The following ARNT2 variants were observed in gnomAD, a reference collection of about 807,000 sequenced individuals.
ARNT2 encodes ARNT protein 2.
In ARNT2, 36 loss-of-function variants were observed where a neutral mutation model predicts 91.7. The ratio of observed to expected loss-of-function variants is 0.39; its 90% CI spans 0.30 to 0.52. ARNT2 has a LOEUF of 0.52. Ranked by LOEUF, ARNT2 falls within the 20% of genes least tolerant of loss-of-function variation. The probability of loss-of-function intolerance (pLI) is 0.72; values close to 1 mark genes in which losing one functional copy is unlikely to be tolerated. For synonymous variants in ARNT2, 365 were observed against 347.1 expected (o/e 1.05, Z -0.57); for missense variants, 775 against 939.3 (o/e 0.83, Z 2.29).
intron 5 of ARNT2, among the ~76,000 whole-genome samples, chr15:80,496,295 C>T (rs1897125629): frequency 6.6e-6 from 1 of 152,192 alleles, no homozygotes; most frequent in Non-Finnish European, 1.5e-5. Context: ...ATGCCCAGCA[C>T]CCTTCTCCCT....
intron 1 of ARNT2, among the ~76,000 whole-genome samples, chr15:80,423,239 C>T (rs1895885449): frequency 6.6e-6 from 1 of 152,186 alleles, no homozygotes; most frequent in Admixed American, 6.5e-5. Context: ...GCCCAGTAAA[C>T]ATTAGCTGTT....
intron 6 of ARNT2, among the ~76,000 whole-genome samples, chr15:80,509,373 C>T (rs1566989994): frequency 2.0e-5 from 3 of 151,900 alleles, no homozygotes; most frequent in Admixed American, 6.6e-5. Context: ...ACCCAGGAGG[C>T]GGAGGTTGCA....
intron 6 of ARNT2, among the ~76,000 whole-genome samples, chr15:80,510,156 G>A (rs1310363401): frequency 1.3e-5 from 2 of 152,306 alleles, no homozygotes; most frequent in African/African-American, 4.8e-5. Flanking sequence ...GACGGAGCCA[G>A]CCTTCAGGCA....
chr15:80,549,456 T>C (rs1898045490), intron 8 of ARNT2, among the ~76,000 whole-genome samples: 1 of 152,102 alleles, frequency 6.6e-6, no homozygotes, highest in Non-Finnish European at 1.5e-5. Flanking sequence ...TCATAACATA[T>C]ACCGCAAGGA....
intron 8 of ARNT2, among the ~76,000 whole-genome samples, chr15:80,528,438 A>G (rs911754462): frequency 3.3e-5 from 5 of 152,006 alleles, no homozygotes; most frequent in African/African-American, 9.7e-5. Context: ...TCCATCATCT[A>G]TCTACCTATC....
chr15:80,539,533 A>G (rs1897875360), intron 8 of ARNT2, among the ~76,000 whole-genome samples: 1 of 152,286 alleles, frequency 6.6e-6, no homozygotes, highest in Non-Finnish European at 1.5e-5. Flanking sequence ...CAAAAAAGTG[A>G]AGAATCTGAG....
chr15:80,514,692 C>G (rs541605836), intron 8 of ARNT2, among the ~76,000 whole-genome samples: 31 of 152,284 alleles, frequency 2.0e-4, no homozygotes, highest in African/African-American at 7.0e-4. Flanking sequence ...GGAGACCACC[C>G]TGGCTAACAC....
intron 5 of ARNT2, 64 bp downstream of exon 5, chr15:80,475,287 G>A (rs1212694879): frequency 2.6e-6 from 4 of 1,541,740 alleles, no homozygotes; most frequent in African/African-American, 2.7e-5. Flanking sequence ...GGGCATGGTG[G>A]CTCACGCCTG....
At chr15:80,484,544 C>T (rs1193557784) in intron 5 of ARNT2, among the ~76,000 whole-genome samples, 2 of 152,230 alleles carry the variant, frequency 1.3e-5, no homozygotes, top group African/African-American at 4.8e-5. Flanking sequence ...ATTTATACAA[C>T]CTGCCTGTTT....
chr15:80,485,604 A>G (rs1281529048), intron 5 of ARNT2, among the ~76,000 whole-genome samples: 2 of 152,208 alleles, frequency 1.3e-5, no homozygotes, highest in Non-Finnish European at 2.9e-5. Context: ...CAGGTTGGAG[A>G]ATGCCCCTGT....
chr15:80,555,266 G>T, intron 11 of ARNT2, 127 bp downstream of exon 11: 1 of 897,090 alleles, frequency 1.1e-6, no homozygotes, highest in Middle Eastern at 2.3e-4. Flanking sequence ...CTCACTCAGG[G>T]CCCCTGCTAG....
Position 80,472,442 on chromosome 15 carries a change from C to T in ARNT2, c.408+2011C>T, listed in dbSNP as rs1056669688. 4.6e-5 allele frequency among the ~76,000 whole-genome samples: 7 copies of T among 152,014 alleles called. No individual in the cohort carries two copies. In the South Asian group the frequency reaches 1.2e-3, roughly 27 times the overall value. On this transcript the variant is annotated intron_variant, in intron 4 of 18. Transcript: ENST00000303329. Reference sequence around the variant, plus strand: ...ACCTAATGATTTATTCTGCTAGAGCCGAGACTCGATTTATGTCATGGAAGT... The same window carrying T: ...ACCTAATGATTTATTCTGCTAGAGCTGAGACTCGATTTATGTCATGGAAGT...
At chr15:80,480,081 G>A (rs1302800553) in intron 5 of ARNT2, among the ~76,000 whole-genome samples, 1 of 152,130 alleles carries the variant, frequency 6.6e-6, no homozygotes, top group Non-Finnish European at 1.5e-5. Flanking sequence ...GGAATGCTGG[G>A]ATGTTTGGGT....
chr15:80,416,564 AGTT>A (rs1895788261), intron 1 of ARNT2, among the ~76,000 whole-genome samples: 1 of 152,182 alleles, frequency 6.6e-6, no homozygotes, highest in Non-Finnish European at 1.5e-5. Flanking sequence ...TAGGATTATA[AGTT>A]ACATTAAGTT....
intron 2 of ARNT2, among the ~76,000 whole-genome samples, chr15:80,452,469 C>G (rs1196984429): frequency 6.6e-6 from 1 of 152,260 alleles, no homozygotes; most frequent in Non-Finnish European, 1.5e-5. Context: ...ACCAGCCATT[C>G]TTGCTAACTA....
Position 80,576,941 on chromosome 15 carries a change from CT to C in ARNT2, c.1590del (p.Gly531AspfsTer17). 1 of 1,614,126 alleles carries C rather than the reference CT, an allele frequency of 6.2e-7. No homozygotes were observed. Among genetic ancestry groups the C allele is most frequent in the African/African-American group, 1.3e-5 (1 of 75,068 alleles). ...TACTCCCAAGGAAGCCCATTTCCCT[CT>C]GGACACTCCGGGAAGGCCTTCAGGT... ...QIYSQGSPFP[S>X]GHSGKAFSSS... On this transcript the variant is annotated frameshift_variant, in exon 15 of 19. Coordinates refer to ENST00000303329, the MANE Select transcript of ARNT2 (RefSeq NM_014862.4). LOFTEE classifies it high-confidence loss of function.
chr15:80,530,372 T>A (rs1897716947), intron 8 of ARNT2, among the ~76,000 whole-genome samples: 1 of 152,126 alleles, frequency 6.6e-6, no homozygotes, highest in Non-Finnish European at 1.5e-5. Flanking sequence ...TGCTGGGACT[T>A]ACTGGGAGGG....
intron 8 of ARNT2, among the ~76,000 whole-genome samples, chr15:80,535,078 G>A (rs1897798609): frequency 6.6e-6 from 1 of 152,194 alleles, no homozygotes; most frequent in Non-Finnish European, 1.5e-5. Flanking sequence ...TTCAGGGCAG[G>A]AGGAAGAGGA....
chr15:80,406,692 A>C (rs1436733829), intron 1 of ARNT2, among the ~76,000 whole-genome samples: 1 of 152,190 alleles, frequency 6.6e-6, no homozygotes, highest in East Asian at 1.9e-4. Context: ...TGGTACAAGC[A>C]TAGGGTATTG....
Sources: gnomAD v4.1 joint callset for allele counts (sites outside exome capture counted in the v4.1 genomes callset) on GRCh38, gnomAD v4.1.1 for gene constraint, MANE v1.5 for transcripts, NCBI Gene and HGNC (gene_info 2026-07-23, HGNC 2026-07-21) for gene names.